The following DNAH3 variants were observed in gnomAD, a reference collection of about 807,000 sequenced individuals.
DNAH3 encodes axonemal beta dynein heavy chain 3.
DNAH3 carries 332 observed loss-of-function variants against 432.5 expected under a neutral mutation model. The ratio of observed to expected loss-of-function variants is 0.77; its 90% CI spans 0.70 to 0.84. The LOEUF (loss-of-function observed/expected upper bound fraction) is 0.84, where lower values mean the gene tolerates loss of function less well. DNAH3 is among the 40% of genes least tolerant of loss of function. DNAH3 has a pLI of 0.00. For missense variants in DNAH3, 4,861 were observed against 5,114.0 expected, an observed-to-expected ratio of 0.95 and a Z score of 1.51; for synonymous variants, 1,956 against 1,900.2, an observed-to-expected ratio of 1.03 and a Z score of -0.76.
intron 54 of DNAH3, 72 bp downstream of exon 54, chr16:20,959,106 TC>T (rs2152609110): frequency 1.3e-6 from 2 of 1,490,136 alleles, no homozygotes; most frequent in East Asian, 4.5e-5. Context: ...TGTGTCTTGG[TC>T]ATCTTCCCAG....
At chr16:20,980,413 T>C (rs971174906) in intron 49 of DNAH3, among the ~76,000 whole-genome samples, 4 of 144,078 alleles carry the variant, frequency 2.8e-5, no homozygotes, top group African/African-American at 1.0e-4. Flanking sequence ...CACTCTGTCA[T>C]CCAGGCTGGA....
intron 7 of DNAH3, among the ~76,000 whole-genome samples, chr16:21,129,782 A>T (rs1466748298): frequency 0.014 from 1 of 70 alleles, no homozygotes. Flanking sequence ...CATCCATCCC[A>T]TTAGTGGACA....
intron 51 of DNAH3, among the ~76,000 whole-genome samples, chr16:20,974,508 A>ATCC (rs1479537725): frequency 2.7e-5 from 4 of 150,488 alleles, no homozygotes; most frequent in African/African-American, 4.9e-5. Context: ...GGCTCAAGCA[A>ATCC]TCCTCCCACA....
At position 20,953,237 on chromosome 16, in the gene DNAH3, C is replaced by A. The variant is rs185531203; in HGVS notation, c.11072-688G>T. Reference sequence around the variant, plus strand: ...GCAGTGTCGTGATCTCGGCTGACTGCAACCTCCACCTCCTGGGTTCAAGAG... The same window carrying A: ...GCAGTGTCGTGATCTCGGCTGACTGAAACCTCCACCTCCTGGGTTCAAGAG... On this transcript the variant is annotated intron_variant, in intron 55 of 61. Coordinates refer to ENST00000261383, the Ensembl canonical transcript of DNAH3. 3.2e-3 allele frequency among the ~76,000 whole-genome samples: 479 copies of A among 151,798 alleles called. 1 individual carries two copies. The highest frequency in any genetic ancestry group is 0.027 in the Middle Eastern group (8 of 294).
intron 42 of DNAH3, among the ~76,000 whole-genome samples, chr16:21,001,718 A>T (rs1479736897): frequency 6.6e-6 from 1 of 152,176 alleles, no homozygotes; most frequent in Non-Finnish European, 1.5e-5. Flanking sequence ...AGATGAAATA[A>T]ATGAGGCTCG....
intron 51 of DNAH3, 72 bp downstream of exon 51, chr16:20,975,161 C>T (rs2152646804): frequency 6.5e-7 from 1 of 1,547,150 alleles, no homozygotes; most frequent in South Asian, 1.2e-5. Flanking sequence ...TCACTTTTCT[C>T]ATCCGTAAGA....
At chr16:20,937,162 T>C (rs983808325) in intron 59 of DNAH3, among the ~76,000 whole-genome samples, 2 of 152,176 alleles carry the variant, frequency 1.3e-5, no homozygotes, top group African/African-American at 2.4e-5. Context: ...TGTCCTTTTT[T>C]TCTTTTTTTT....
intron 56 of DNAH3, 117 bp from the exon 57 acceptor site, chr16:20,948,754 G>C: frequency 2.6e-6 from 3 of 1,137,322 alleles, no homozygotes; most frequent in Non-Finnish European, 3.7e-6. Context: ...CATAGTGATA[G>C]GGACAGCAAG....
intron 5 of DNAH3, among the ~76,000 whole-genome samples, chr16:21,138,304 G>A (rs527699352): frequency 5.9e-5 from 9 of 151,828 alleles, no homozygotes; most frequent in Admixed American, 2.6e-4. Flanking sequence ...TGTTACTCTC[G>A]CCTCTCTCCA....
chr16:21,051,278 T>C (rs1567702872), intron 29 of DNAH3, among the ~76,000 whole-genome samples: 1 of 152,182 alleles, frequency 6.6e-6, no homozygotes, highest in African/African-American at 2.4e-5. Flanking sequence ...GCCAGCTTTT[T>C]TCATGAGACT....
At position 21,104,468 on chromosome 16, in the gene DNAH3, T is replaced by A; in HGVS notation, c.2366+3A>T. The stretch of plus-strand genomic sequence containing the variant: ...CCAAGACAATCCCAGACTCTCCCGG[T>A]ACCTTTTAATCAGATCCATTTCTGC... On this transcript the variant is annotated splice_donor_region_variant and intron_variant, in intron 16 of 61. Transcript: ENST00000261383. The A allele has an allele frequency of 6.2e-7, 1 of 1,613,384 alleles. No individual in the cohort carries two copies. Among genetic ancestry groups the A allele is most frequent in the South Asian group, 1.1e-5 (1 of 91,052 alleles).
At chr16:21,048,902 C>T (rs577142369) in intron 31 of DNAH3, among the ~76,000 whole-genome samples, 1 of 152,184 alleles carries the variant, frequency 6.6e-6, no homozygotes, top group African/African-American at 2.4e-5. Flanking sequence ...CCATGTTGGC[C>T]AGGCTGGTCT....
At chr16:21,058,966 G>A (rs892960264) in intron 26 of DNAH3, among the ~76,000 whole-genome samples, 1 of 151,850 alleles carries the variant, frequency 6.6e-6, no homozygotes, top group Non-Finnish European at 1.5e-5. Context: ...TAACAGACCT[G>A]CATGTTCTGC....
At chr16:21,102,439 T>A (rs572984246) in intron 16 of DNAH3, among the ~76,000 whole-genome samples, 1 of 152,252 alleles carries the variant, frequency 6.6e-6, no homozygotes, top group East Asian at 1.9e-4. Flanking sequence ...CCCACAGAGG[T>A]CCCTGTTCAA....
At chr16:21,119,144 T>C (rs1192668746) in intron 11 of DNAH3, among the ~76,000 whole-genome samples, 2 of 152,018 alleles carry the variant, frequency 1.3e-5, no homozygotes, top group Non-Finnish European at 2.9e-5. Context: ...CACTGGTCAA[T>C]GCGTGAATGA....
chr16:20,961,852 T>A (rs1477659751), intron 53 of DNAH3, among the ~76,000 whole-genome samples: 1 of 141,706 alleles, frequency 7.1e-6, no homozygotes, highest in African/African-American at 2.6e-5. Context: ...AACCTCCGCC[T>A]CCCAAGTTCA....
At chr16:20,966,608 A>G (rs2085075478) in intron 52 of DNAH3, among the ~76,000 whole-genome samples, 1 of 152,214 alleles carries the variant, frequency 6.6e-6, no homozygotes, top group Non-Finnish European at 1.5e-5. Context: ...TCTGTTTTCT[A>G]GAACCTGGCA....
exon 29 of DNAH3, chr16:21,051,678 G>A (rs1174984927): frequency 6.2e-7 from 1 of 1,612,954 alleles, no homozygotes; most frequent in East Asian, 2.2e-5. Context: ...ACCTGTAGCA[G>A]CGGTCGGTGA....
intron 35 of DNAH3, among the ~76,000 whole-genome samples, chr16:21,035,657 A>AT (rs1181026978): frequency 2.0e-5 from 3 of 152,334 alleles, no homozygotes. Flanking sequence ...CATGTTTAAA[A>AT]TTTTTCATAA....
Sources: allele counts gnomAD v4.1 joint callset (sites outside exome capture counted in the v4.1 genomes callset), GRCh38; gene constraint gnomAD v4.1.1; transcripts MANE v1.5; gene names NCBI Gene and HGNC (gene_info 2026-07-23, HGNC 2026-07-21).